Variants in EPDR1 observed in about 807,000 individuals in gnomAD.
The protein encoded by EPDR1 is ependymin related 1.
Under a neutral mutation model 23.7 loss-of-function variants are expected in EPDR1, and 27 were observed. The ratio of observed to expected loss-of-function variants is 1.14; its 90% CI spans 0.84 to 1.57. The LOEUF (loss-of-function observed/expected upper bound fraction) is 1.57, where lower values mean the gene tolerates loss of function less well. EPDR1 is among the 40% of genes most tolerant of loss of function. The pLI is 0.00. For missense variants in EPDR1, 349 were observed against 290.4 expected (o/e 1.20, Z -1.47); for synonymous variants, 137 against 118.2 (o/e 1.16, Z -1.03).
At chr7:37,944,062 AT>A (rs1171957645) in intron 1 of EPDR1, among the ~76,000 whole-genome samples, 16 of 152,208 alleles carry the variant, frequency 1.1e-4, no homozygotes, top group African/African-American at 3.6e-4. Context: ...AACAGAAATG[AT>A]AGAACTGAGT....
chr7:37,934,496 C>T (rs1243677629), intron 1 of EPDR1, among the ~76,000 whole-genome samples: 1 of 151,352 alleles, frequency 6.6e-6, no homozygotes, highest in South Asian at 2.1e-4. Context: ...AGAGGATTAT[C>T]TCTCATTACA....
rs1446127984 is a variant in EPDR1, at chr7:37,949,177, G to A, written c.478+129G>A. ...AAAAATTTTTTAAAGCCTCCACTTA[G>A]GTCTGCAGGTTACTTTGCTCACTAT... On this transcript the variant is annotated intron_variant, in intron 2 of 2. Coordinates refer to ENST00000199448, the MANE Select transcript of EPDR1 (RefSeq NM_017549.5). The A allele has an allele frequency of 6.4e-6, 5 of 779,904 alleles. No individual in the cohort carries two copies. In the African/African-American group the frequency reaches 8.7e-5, roughly 14 times the overall value. The allele number at this position is 779,904 out of a possible 1,614,324, so 48.3% of individuals were successfully genotyped here.
At position 37,950,666 on chromosome 7, in the gene EPDR1, G is replaced by T; in HGVS notation, c.*270G>T. ...TATTTCTAATGCCTGTTCAGGGCTG[G>T]TTTTCTGCATGCACGGGTATACACA... On this transcript the variant is annotated 3_prime_UTR_variant, in exon 3 of 3. Transcript: ENST00000199448. 1 of 425,768 alleles carries T rather than the reference G, an allele frequency of 2.3e-6. No individual in the cohort carries two copies. Among genetic ancestry groups the T allele is most frequent in the East Asian group, 3.7e-5 (1 of 27,260 alleles). 26.4% of individuals were successfully genotyped at this position (425,768 alleles called of 1,614,324 possible).
rs1464863112 is a variant in EPDR1, at chr7:37,920,846, T to C, written c.-94T>C. 4 of 1,610,500 alleles carry C rather than the reference T, an allele frequency of 2.5e-6. No homozygotes were observed. ...GGTCCAGACCACACTCCCGGCACAG[T>C]GCGGAAAGAGCCGGCGGGAGCCACT... On this transcript the variant is annotated 5_prime_UTR_variant, in exon 1 of 3. Coordinates refer to ENST00000199448, the MANE Select transcript of EPDR1 (RefSeq NM_017549.5).
At chr7:37,937,336 CT>C in intron 1 of EPDR1, among the ~76,000 whole-genome samples, 1 of 152,038 alleles carries the variant, frequency 6.6e-6, no homozygotes, top group Non-Finnish European at 1.5e-5. Flanking sequence ...GAGTAGGAAG[CT>C]TTTTTTAAAT....
At chr7:37,942,604 A>T (rs935763) in intron 1 of EPDR1, among the ~76,000 whole-genome samples, 5,955 of 152,292 alleles carry the variant, frequency 0.039, 383 homozygotes, top group African/African-American at 0.14. Context: ...CACAATTAAA[A>T]CATAAAAATT....
chr7:37,950,468 T>A lies in EPDR1; in HGVS notation c.*72T>A. On this transcript the variant is annotated 3_prime_UTR_variant, in exon 3 of 3. Coordinates refer to ENST00000199448, the MANE Select transcript of EPDR1 (RefSeq NM_017549.5). ...CCCCAGCTGGAGATGGATATGAGAC[T>A]AGTCAAGATGTGAATGCTAATTGGA... 1.5e-6 allele frequency: 2 copies of A among 1,326,406 alleles called. No individual in the cohort carries two copies. The highest frequency in any genetic ancestry group is 2.1e-6 in the Non-Finnish European group (2 of 969,976). The allele number at this position is 1,326,406 out of a possible 1,614,324, so 82.2% of individuals were successfully genotyped here. A position where few individuals can be genotyped will look rare whatever the true frequency, so the allele number is the denominator to read the frequency against.
intron 1 of EPDR1, among the ~76,000 whole-genome samples, chr7:37,944,322 GCTGA>G (rs1420601718): frequency 3.3e-5 from 5 of 152,110 alleles, no homozygotes; most frequent in African/African-American, 9.7e-5. Flanking sequence ...CACATAAGAG[GCTGA>G]CTATTAGACC....
chr7:37,945,787 G>A (rs941670200), intron 1 of EPDR1, among the ~76,000 whole-genome samples: 4 of 152,114 alleles, frequency 2.6e-5, no homozygotes, highest in African/African-American at 7.2e-5. Flanking sequence ...ACAAGTGAAC[G>A]TGTGCCATGG....
intron 1 of EPDR1, among the ~76,000 whole-genome samples, chr7:37,947,411 T>C (rs1331161832): frequency 6.6e-6 from 1 of 152,216 alleles, no homozygotes; most frequent in Non-Finnish European, 1.5e-5. Flanking sequence ...TAATGACACA[T>C]TTCTCAGAAC....
At chr7:37,940,065 T>C (rs1428942566) in intron 1 of EPDR1, among the ~76,000 whole-genome samples, 1 of 152,088 alleles carries the variant, frequency 6.6e-6, no homozygotes, top group East Asian at 1.9e-4. Context: ...AAAGAAATAA[T>C]GATATTTGCA....
chr7:37,939,789 T>G (rs1473599646), intron 1 of EPDR1, among the ~76,000 whole-genome samples: 2 of 152,210 alleles, frequency 1.3e-5, no homozygotes, highest in African/African-American at 2.4e-5. Flanking sequence ...AATTTAAGTT[T>G]GACAACATGC....
rs1214003489 is a variant in EPDR1, at chr7:37,951,007, T to C, written c.*611T>C. 9 of 152,120 alleles carry C rather than the reference T, an allele frequency of 5.9e-5. No individual in the cohort carries two copies. Among genetic ancestry groups the C allele is most frequent in the Admixed American group, 4.6e-4 (7 of 15,272 alleles). The allele number at this position is 152,120 out of a possible 1,614,324, so 9.4% of individuals were successfully genotyped here. The stretch of plus-strand genomic sequence containing the variant: ...ATTGATATAAACATTTAGAAGGAAA[T>C]GAAAAGCTAAAATAGGAAGTAATTA... On this transcript the variant is annotated 3_prime_UTR_variant, in exon 3 of 3. Transcript: ENST00000199448.
intron 1 of EPDR1, among the ~76,000 whole-genome samples, chr7:37,945,847 C>T (rs1456600816): frequency 1.3e-5 from 2 of 152,166 alleles, no homozygotes; most frequent in African/African-American, 4.8e-5. Flanking sequence ...GCCCAGCATC[C>T]ATTAGCTATT....
intron 1 of EPDR1, among the ~76,000 whole-genome samples, chr7:37,923,556 G>A (rs1583660765): frequency 6.6e-6 from 1 of 152,170 alleles, no homozygotes; most frequent in Non-Finnish European, 1.5e-5. Flanking sequence ...TTGTACAGTA[G>A]TGGCGCATTG....
intron 1 of EPDR1, among the ~76,000 whole-genome samples, chr7:37,922,687 T>C (rs562927818): frequency 6.6e-6 from 1 of 151,592 alleles, no homozygotes; most frequent in African/African-American, 2.4e-5. Flanking sequence ...CTGACGCCTA[T>C]GGTATACCAG....
At chr7:37,937,651 G>A (rs534348380) in intron 1 of EPDR1, among the ~76,000 whole-genome samples, 12 of 152,234 alleles carry the variant, frequency 7.9e-5, no homozygotes, top group African/African-American at 2.9e-4. Context: ...AGTGACTGAG[G>A]GGGCACAATG....
At position 37,932,000 on chromosome 7, in the gene EPDR1, G is replaced by A. The variant is rs575593714; in HGVS notation, c.269+10792G>A. Among the ~76,000 whole-genome samples, 26 of 152,230 alleles carry A rather than the reference G, an allele frequency of 1.7e-4. No individual in the cohort carries two copies. In the South Asian group the frequency reaches 5.2e-3, roughly 30 times the overall value. ...TGGGATTACACGCGTGAGCCACCGC[G>A]CCCGGTCGGGAACTTTCCTCTAGTA... is the stretch of plus-strand genomic sequence containing the variant. On this transcript the variant is annotated intron_variant, in intron 1 of 2. Transcript: ENST00000199448.
In EPDR1 at chr7:37,951,835, G is replaced by A. The variant is rs1314682334; in HGVS notation, c.*1439G>A. The A allele has an allele frequency of 3.3e-5, 5 of 152,098 alleles. No individual in the cohort carries two copies. Among genetic ancestry groups the A allele is most frequent in the Non-Finnish European group, 7.4e-5 (5 of 68,004 alleles). The allele number at this position is 152,098 out of a possible 1,614,324, so 9.4% of individuals were successfully genotyped here. A position where few individuals can be genotyped will look rare whatever the true frequency, so the allele number is the denominator to read the frequency against. The stretch of plus-strand genomic sequence containing the variant: ...TAAACAAATTTAATTGCATTTTAAA[G>A]CATTCTTTGATACTGTTGCTTTTGC... On this transcript the variant is annotated 3_prime_UTR_variant, in exon 3 of 3. Coordinates refer to ENST00000199448, the MANE Select transcript of EPDR1 (RefSeq NM_017549.5).
Sources: allele counts gnomAD v4.1 joint callset (sites outside exome capture counted in the v4.1 genomes callset), GRCh38; gene constraint gnomAD v4.1.1; transcripts MANE v1.5; gene names NCBI Gene and HGNC (gene_info 2026-07-23, HGNC 2026-07-21).